STK39: variants seen among roughly 807,000 people sequenced by gnomAD.
STK39 encodes the protein serine/threonine kinase 39.
A neutral mutation model predicts 77.8 loss-of-function variants in STK39; 20 were observed. The ratio of observed to expected loss-of-function variants is 0.26; its 90% CI spans 0.18 to 0.37. The LOEUF (loss-of-function observed/expected upper bound fraction) is 0.37. Among genes scored for constraint, STK39 ranks in the 10% least tolerant of loss-of-function variants. STK39 has a pLI of 1.00. For missense variants in STK39, 479 were observed against 656.5 expected (o/e 0.73, Z 2.95); for synonymous variants, 246 against 234.1 (o/e 1.05, Z -0.47).
intron 1 of STK39, among the ~76,000 whole-genome samples, chr2:168,243,911 C>G (rs1047751806): frequency 5.3e-5 from 8 of 152,142 alleles, no homozygotes; most frequent in Non-Finnish European, 1.0e-4. Context: ...GGGCTCAACT[C>G]ACCCCCAAAT....
chr2:168,046,085 T>C (rs1006436991), intron 14 of STK39, among the ~76,000 whole-genome samples: 3 of 152,048 alleles, frequency 2.0e-5, no homozygotes, highest in African/African-American at 4.8e-5. Context: ...ACTAGCAAGA[T>C]GGCCAGGCAT....
intron 16 of STK39, among the ~76,000 whole-genome samples, chr2:167,994,181 T>C (rs531775540): frequency 6.6e-6 from 1 of 152,288 alleles, no homozygotes; most frequent in South Asian, 2.1e-4. Context: ...AAAACCACCA[T>C]CTCAAATATA....
intron 10 of STK39, among the ~76,000 whole-genome samples, chr2:168,098,991 G>C (rs935735318): frequency 6.6e-6 from 1 of 152,228 alleles, no homozygotes; most frequent in African/African-American, 2.4e-5. Context: ...TGACTACACT[G>C]TAAGGAGGAG....
intron 10 of STK39, among the ~76,000 whole-genome samples, chr2:168,120,437 C>T (rs1687375859): frequency 6.6e-6 from 1 of 152,282 alleles, no homozygotes; most frequent in East Asian, 1.9e-4. Flanking sequence ...TGTCTTGTGA[C>T]GTTTGTGCGT....
At chr2:167,993,230 T>C (rs545320243) in intron 16 of STK39, among the ~76,000 whole-genome samples, 31 of 152,338 alleles carry the variant, frequency 2.0e-4, no homozygotes, top group African/African-American at 6.5e-4. Flanking sequence ...AGCCCCACAA[T>C]GGGCTCATGG....
chr2:168,063,776 T>C (rs538817527), intron 13 of STK39, among the ~76,000 whole-genome samples: 1 of 152,350 alleles, frequency 6.6e-6, no homozygotes, highest in South Asian at 2.1e-4. Flanking sequence ...TGGATATGAA[T>C]GTTTCATATG....
chr2:168,009,690 C>G (rs1157030144), intron 16 of STK39, among the ~76,000 whole-genome samples: 1 of 152,022 alleles, frequency 6.6e-6, no homozygotes, highest in Middle Eastern at 3.2e-3. Context: ...GTGTGATGTC[C>G]ATGTAAGGCA....
intron 10 of STK39, among the ~76,000 whole-genome samples, chr2:168,128,512 G>A (rs60603497): frequency 6.6e-6 from 1 of 152,244 alleles, no homozygotes; most frequent in East Asian, 1.9e-4. Context: ...ATCCTCCCCA[G>A]CCACAGCGCA....
chr2:168,174,617 TCA>T (rs763355515), intron 2 of STK39, among the ~76,000 whole-genome samples: 1 of 152,068 alleles, frequency 6.6e-6, no homozygotes, highest in African/African-American at 2.4e-5. Context: ...GGAATCAGAC[TCA>T]CACTCAGGTA....
At chr2:168,104,607 A>C (rs1686921532) in intron 10 of STK39, among the ~76,000 whole-genome samples, 1 of 152,218 alleles carries the variant, frequency 6.6e-6, no homozygotes. Context: ...TATTTTCAGA[A>C]AATGAGTGTA....
chr2:168,013,045 T>C (rs1294411968), intron 15 of STK39, among the ~76,000 whole-genome samples: 1 of 152,220 alleles, frequency 6.6e-6, no homozygotes, highest in Non-Finnish European at 1.5e-5. Flanking sequence ...CCTGCCAAGG[T>C]TAATCCCACC....
intron 10 of STK39, among the ~76,000 whole-genome samples, chr2:168,083,241 T>C (rs918860209): frequency 2.0e-5 from 3 of 152,068 alleles, no homozygotes; most frequent in Non-Finnish European, 4.4e-5. Context: ...TTTTTTTTTT[T>C]TTTTAAGCTA....
intron 14 of STK39, among the ~76,000 whole-genome samples, chr2:168,026,105 A>T (rs1405992809): frequency 2.6e-5 from 4 of 152,240 alleles, no homozygotes; most frequent in African/African-American, 9.6e-5. Flanking sequence ...ATTTTGAGGC[A>T]CATAGAAATA....
intron 10 of STK39, among the ~76,000 whole-genome samples, chr2:168,099,758 T>A (rs1399967134): frequency 1.3e-5 from 2 of 152,198 alleles, no homozygotes; most frequent in African/African-American, 4.8e-5. Flanking sequence ...TCACAATAAT[T>A]TGGCAATGCC....
chr2:168,037,310 A>G (rs1327140014), intron 14 of STK39, among the ~76,000 whole-genome samples: 1 of 152,230 alleles, frequency 6.6e-6, no homozygotes, highest in Admixed American at 6.5e-5. Flanking sequence ...AAATGATAGC[A>G]ATAATTCAGT....
At chr2:168,223,514 A>C (rs924914609) in intron 1 of STK39, among the ~76,000 whole-genome samples, 7 of 149,888 alleles carry the variant, frequency 4.7e-5, no homozygotes, top group African/African-American at 1.7e-4. Flanking sequence ...CCGTCTCAAA[A>C]AAAAAAAAAA....
intron 10 of STK39, among the ~76,000 whole-genome samples, chr2:168,100,890 A>C (rs1268224345): frequency 1.3e-5 from 2 of 152,222 alleles, no homozygotes; most frequent in East Asian, 3.8e-4. Context: ...TCATACTACT[A>C]TAAAGACACA....
intron 10 of STK39, among the ~76,000 whole-genome samples, chr2:168,122,754 C>T (rs1574483193): frequency 6.6e-6 from 1 of 152,146 alleles, no homozygotes; most frequent in East Asian, 1.9e-4. Flanking sequence ...TGTTTTTATA[C>T]ACAAGATTTC....
At chr2:168,079,211 T>C (rs1035436774) in intron 10 of STK39, among the ~76,000 whole-genome samples, 5 of 151,996 alleles carry the variant, frequency 3.3e-5, no homozygotes, top group African/African-American at 9.7e-5. Flanking sequence ...GACCACCACC[T>C]CTCTCGGCAC....
Sources: gnomAD v4.1 joint callset for allele counts (sites outside exome capture counted in the v4.1 genomes callset) on GRCh38, gnomAD v4.1.1 for gene constraint, MANE v1.5 for transcripts, NCBI Gene and HGNC (gene_info 2026-07-23, HGNC 2026-07-21) for gene names.